DOCK2: variants seen among roughly 807,000 people sequenced by gnomAD.
DOCK2 encodes dedicator of cytokinesis 2.
In DOCK2, 87 loss-of-function variants were observed where a neutral mutation model predicts 248.9. The observed-to-expected ratio is 0.35, with a 90% confidence interval of 0.29 to 0.42. The LOEUF (loss-of-function observed/expected upper bound fraction) is 0.42, where lower values mean the gene tolerates loss of function less well. DOCK2 is among the 10% of genes least tolerant of loss of function. The probability of loss-of-function intolerance (pLI) is 1.00; values close to 1 mark genes in which losing one functional copy is unlikely to be tolerated. For synonymous variants in DOCK2, 805 were observed against 821.6 expected (o/e 0.98, Z 0.35); for missense variants, 1,747 against 2,300.2 (o/e 0.76, Z 4.92).
chr5:169,990,543 C>T (rs994674841), intron 29 of DOCK2, among the ~76,000 whole-genome samples: 2 of 152,182 alleles, frequency 1.3e-5, no homozygotes. Flanking sequence ...TGGGGTGAAC[C>T]GTGTCCTGTC....
At chr5:170,046,578 T>C (rs1014425570) in intron 39 of DOCK2, among the ~76,000 whole-genome samples, 1 of 152,194 alleles carries the variant, frequency 6.6e-6, no homozygotes, top group Non-Finnish European at 1.5e-5. Flanking sequence ...TAGGAGAGGA[T>C]TGATAGCTTT....
intron 14 of DOCK2, among the ~76,000 whole-genome samples, chr5:169,705,599 A>G (rs1761219518): frequency 6.6e-6 from 1 of 152,222 alleles, no homozygotes; most frequent in Admixed American, 6.5e-5. Context: ...AGATGAGGTA[A>G]TCTACATAAT....
chr5:170,031,284 T>C (rs1364853092), intron 34 of DOCK2, among the ~76,000 whole-genome samples: 2 of 152,198 alleles, frequency 1.3e-5, no homozygotes, highest in South Asian at 4.1e-4. Context: ...GTCATTTCAT[T>C]TCATTTCAAG....
At chr5:169,709,552 T>C (rs1761461720) in intron 15 of DOCK2, among the ~76,000 whole-genome samples, 1 of 151,944 alleles carries the variant, frequency 6.6e-6, no homozygotes, top group Admixed American at 6.6e-5. Context: ...AATAAATACA[T>C]ACATACATAC....
Position 169,989,589 on chromosome 5 carries a change from C to T in DOCK2, c.2993+3667C>T, listed in dbSNP as rs116903688. Among the ~76,000 whole-genome samples, 713 of 152,288 alleles carry T rather than the reference C, an allele frequency of 4.7e-3. 37 individuals are homozygous for T. In the East Asian group the frequency reaches 0.11, roughly 24 times the overall value. ...AACAATAAATATTCCCATGGAAATG[C>T]AAGCTGCAGTTGCTGTCATGAATTT... On this transcript the variant is annotated intron_variant, in intron 29 of 51. Transcript: ENST00000520908.
chr5:169,923,008 T>C (rs1355092286), intron 27 of DOCK2, among the ~76,000 whole-genome samples: 1 of 152,228 alleles, frequency 6.6e-6, no homozygotes, highest in Non-Finnish European at 1.5e-5. Context: ...CAGACAGATA[T>C]AATTTTACCG....
chr5:169,637,383 C>T lies in DOCK2; in HGVS notation c.43+14C>T. The T allele has an allele frequency of 7.2e-7, 1 of 1,389,164 alleles. No homozygotes were observed. Among genetic ancestry groups the T allele is most frequent in the Non-Finnish European group, 9.3e-7 (1 of 1,070,808 alleles). 86.1% of individuals were successfully genotyped at this position (1,389,164 alleles called of 1,614,324 possible). On this transcript the variant is annotated intron_variant, in intron 1 of 51. Coordinates refer to ENST00000520908, the MANE Select transcript of DOCK2 (RefSeq NM_004946.3). ...GGCACGGCGTGGGTAGGTGCGGGCCCCAGGGCGCGGCAGGGAGCGGGACAG... is the reference window on the plus strand; with the variant it reads ...GGCACGGCGTGGGTAGGTGCGGGCCTCAGGGCGCGGCAGGGAGCGGGACAG...
At chr5:169,903,375 G>A (rs1016852664) in intron 27 of DOCK2, among the ~76,000 whole-genome samples, 4 of 151,888 alleles carry the variant, frequency 2.6e-5, no homozygotes, top group African/African-American at 7.3e-5. Flanking sequence ...CCCACCAAGA[G>A]GAAGTCGGGG....
At chr5:169,808,595 C>G (rs192533161) in intron 26 of DOCK2, among the ~76,000 whole-genome samples, 92 of 152,038 alleles carry the variant, frequency 6.1e-4, no homozygotes, top group African/African-American at 1.8e-3. Context: ...TTTCTCCCCC[C>G]TCACTGAGCA....
chr5:170,034,968 G>A (rs1756272063), intron 35 of DOCK2, among the ~76,000 whole-genome samples: 1 of 152,114 alleles, frequency 6.6e-6, no homozygotes, highest in South Asian at 2.1e-4. Flanking sequence ...AGAAAATAAT[G>A]GTTCCAATTT....
chr5:169,977,085 G>A (rs926576844), intron 27 of DOCK2, among the ~76,000 whole-genome samples: 1 of 152,188 alleles, frequency 6.6e-6, no homozygotes, highest in African/African-American at 2.4e-5. Context: ...CTAAGTTTTC[G>A]ATGAAGACAG....
intron 27 of DOCK2, among the ~76,000 whole-genome samples, chr5:169,972,623 G>C (rs1777561948): frequency 7.8e-6 from 1 of 128,002 alleles, no homozygotes; most frequent in African/African-American, 2.8e-5. Flanking sequence ...TAGATAGATA[G>C]ATAGATGATA....
chr5:169,857,118 T>G (rs2113391390), intron 27 of DOCK2, among the ~76,000 whole-genome samples: 1 of 152,346 alleles, frequency 6.6e-6, no homozygotes, highest in African/African-American at 2.4e-5. Flanking sequence ...AAATGTTCCT[T>G]TAGTTAGACC....
At chr5:169,707,224 C>A (rs1024745382) in intron 14 of DOCK2, among the ~76,000 whole-genome samples, 1 of 152,166 alleles carries the variant, frequency 6.6e-6, no homozygotes, top group Non-Finnish European at 1.5e-5. Context: ...ACCAGGAGGT[C>A]ATTCCTTGTG....
At chr5:169,906,983 C>T (rs985404760) in intron 27 of DOCK2, among the ~76,000 whole-genome samples, 3 of 152,144 alleles carry the variant, frequency 2.0e-5, no homozygotes, top group Non-Finnish European at 4.4e-5. Context: ...CAGGCACTGT[C>T]CTAGGGACTG....
At chr5:170,075,810 T>A (rs1757819792) in intron 46 of DOCK2, 137 bp from the exon 47 acceptor site, 1 of 1,120,196 alleles carries the variant, frequency 8.9e-7, no homozygotes, top group African/African-American at 1.6e-5. Flanking sequence ...GGACCGTGTG[T>A]GCAGGTTTCT....
intron 25 of DOCK2, 55 bp from the exon 26 acceptor site, chr5:169,803,003 A>T: frequency 6.3e-7 from 1 of 1,589,320 alleles, no homozygotes; most frequent in Non-Finnish European, 8.5e-7. Context: ...TATATGAAAG[A>T]AAAGAAACTA....
chr5:169,814,604 C>T lies in DOCK2; in HGVS notation c.2703+11398C>T, dbSNP rs538701765. Among the ~76,000 whole-genome samples the T allele has an allele frequency of 7.9e-5, 12 of 152,258 alleles. No homozygotes were observed. In the South Asian group the frequency reaches 2.3e-3, roughly 29 times the overall value. Reference sequence around the variant, plus strand: ...TGGTAATGTAAGAGGTTAACATTAACCAGTGCTGGGTGAAGGGTGCATAGG... The same window carrying T: ...TGGTAATGTAAGAGGTTAACATTAATCAGTGCTGGGTGAAGGGTGCATAGG... On this transcript the variant is annotated intron_variant, in intron 26 of 51. Transcript: ENST00000520908.
chr5:169,909,770 G>C (rs892076654), intron 27 of DOCK2, among the ~76,000 whole-genome samples: 1 of 152,150 alleles, frequency 6.6e-6, no homozygotes, highest in Non-Finnish European at 1.5e-5. Flanking sequence ...TACAATCCAA[G>C]ATGATCACTT....
Sources: gnomAD v4.1 joint callset for allele counts (sites outside exome capture counted in the v4.1 genomes callset) on GRCh38, gnomAD v4.1.1 for gene constraint, MANE v1.5 for transcripts, NCBI Gene and HGNC (gene_info 2026-07-23, HGNC 2026-07-21) for gene names.